The following ANK3 variants were observed in gnomAD, a reference collection of about 807,000 sequenced individuals.
ANK3 encodes ankyrin-3.
ANK3 carries 57 observed loss-of-function variants against 370.9 expected under a neutral mutation model. That is an observed-to-expected ratio of 0.15 (90% confidence interval 0.12 to 0.19). ANK3 has a LOEUF of 0.19. ANK3 is among the 10% of genes least tolerant of loss of function. ANK3 has a pLI of 1.00. For missense variants in ANK3, 4,439 were observed against 5,302.1 expected, an observed-to-expected ratio of 0.84 and a Z score of 5.06; for synonymous variants, 1,929 against 1,946.3, an observed-to-expected ratio of 0.99 and a Z score of 0.23.
chr10:60,397,622 T>A (rs893156823), intron 2 of ANK3, among the ~76,000 whole-genome samples: 3 of 152,208 alleles, frequency 2.0e-5, no homozygotes, highest in Non-Finnish European at 4.4e-5. Context: ...TTCCTACTTG[T>A]CCTTGAACTT....
chr10:60,457,958 T>C (rs979527495), intron 2 of ANK3, among the ~76,000 whole-genome samples: 6 of 152,062 alleles, frequency 3.9e-5, no homozygotes, highest in African/African-American at 1.4e-4. Context: ...TTCACAAATG[T>C]CTTGGGTTAG....
Position 60,069,206 on chromosome 10 carries a change from A to G in ANK3, c.11675T>C (p.Val3892Ala), listed in dbSNP as rs775097256. The G allele has an allele frequency of 1.9e-6, 3 of 1,613,982 alleles. No homozygotes were observed. The African/African-American group carries it at 4.0e-5, about 22-fold the overall frequency. The change falls in exon 37 of 44, where the codon GTT (valine) becomes GCT (alanine). Residue 3892 changes from valine (V) to alanine (A), a missense_variant. Val to Ala is a moderately conservative substitution (Grantham distance 64). Coordinates refer to ENST00000280772, the MANE Select transcript of ANK3 (RefSeq NM_020987.5). Reference sequence around the variant, plus strand: ...GGCTTTGGTTTTCTCGGATTGACTAACCTGCTTCATTTTACTTGCTTTAGT... The same window carrying G: ...GGCTTTGGTTTTCTCGGATTGACTAGCCTGCTTCATTTTACTTGCTTTAGT... Reference protein sequence around the residue: ...SNTKASKMKQVSQSEKTKALT... With the variant: ...SNTKASKMKQASQSEKTKALT...
chr10:60,635,865 A>T (rs1163195659), intron 1 of ANK3, among the ~76,000 whole-genome samples: 1 of 152,186 alleles, frequency 6.6e-6, no homozygotes, highest in South Asian at 2.1e-4. Flanking sequence ...GTAGAAATAG[A>T]CAAAGGCCAG....
At chr10:60,526,055 T>C (rs2076463155) in intron 2 of ANK3, among the ~76,000 whole-genome samples, 1 of 152,116 alleles carries the variant, frequency 6.6e-6, no homozygotes, top group South Asian at 2.1e-4. Context: ...ACATGGAACT[T>C]GTCAGAAACT....
chr10:60,067,119 C>A (rs989860985), intron 38 of ANK3, among the ~76,000 whole-genome samples: 6 of 152,108 alleles, frequency 3.9e-5, no homozygotes, highest in Non-Finnish European at 8.8e-5. Flanking sequence ...AGGGTTTCAC[C>A]ATGTTGGGTA....
intron 21 of ANK3, among the ~76,000 whole-genome samples, chr10:60,167,768 A>AC (rs2095661946): frequency 6.6e-6 from 1 of 152,166 alleles, no homozygotes; most frequent in Non-Finnish European, 1.5e-5. Context: ...GGTTGTTAAA[A>AC]CTAAAAAAAG....
intron 2 of ANK3, among the ~76,000 whole-genome samples, chr10:60,462,013 T>C (rs1052255351): frequency 6.6e-6 from 1 of 152,112 alleles, no homozygotes; most frequent in African/African-American, 2.4e-5. Flanking sequence ...GGTTTACGGA[T>C]GGGCAATTTG....
intron 43 of ANK3, among the ~76,000 whole-genome samples, chr10:60,033,536 A>AAAACAAAAAAC (rs1554812948): frequency 1.0e-5 from 1 of 98,394 alleles, no homozygotes. Context: ...AAAAAAAAAA[A>AAAACAAAAAAC]AAACTTGGAA....
At chr10:60,185,184 C>T (rs2096292168) in intron 17 of ANK3, among the ~76,000 whole-genome samples, 1 of 151,906 alleles carries the variant, frequency 6.6e-6, no homozygotes, top group Non-Finnish European at 1.5e-5. Context: ...CTGTAATGAC[C>T]AAAAAAGATT....
chr10:60,221,472 G>T (rs1015944656), intron 8 of ANK3, among the ~76,000 whole-genome samples: 1 of 152,110 alleles, frequency 6.6e-6, no homozygotes, highest in Non-Finnish European at 1.5e-5. Context: ...GAACCTCTGG[G>T]TACCTAACTC....
chr10:60,201,748 G>A (rs1036911844), intron 12 of ANK3, among the ~76,000 whole-genome samples: 2 of 131,090 alleles, frequency 1.5e-5, no homozygotes, highest in African/African-American at 5.8e-5. Flanking sequence ...GTCTCACTCT[G>A]TTGCCCAGTC....
At position 60,357,181 on chromosome 10, in the gene ANK3, C is replaced by T. The variant is rs117602789; in HGVS notation, c.114+32244G>A. 2.4e-3 allele frequency among the ~76,000 whole-genome samples: 365 copies of T among 152,338 alleles called. 2 individuals are homozygous for T. Among genetic ancestry groups the T allele is most frequent in the Middle Eastern group, 0.024 (7 of 294 alleles). Reference sequence around the variant, plus strand: ...ATGTTTCTGAGGCTCTGGCCTCTTACATCCTTGACCTCCTTCACTCCAAGG... The same window carrying T: ...ATGTTTCTGAGGCTCTGGCCTCTTATATCCTTGACCTCCTTCACTCCAAGG... On this transcript the variant is annotated intron_variant, in intron 1 of 43. Coordinates refer to ENST00000280772, the MANE Select transcript of ANK3 (RefSeq NM_020987.5).
chr10:60,582,763 G>A (rs965371332), intron 2 of ANK3, among the ~76,000 whole-genome samples: 1 of 151,914 alleles, frequency 6.6e-6, no homozygotes, highest in African/African-American at 2.4e-5. Flanking sequence ...CATTCCGTAG[G>A]TTGTCTTTTT....
At chr10:60,130,455 A>C (rs1055732445) in intron 25 of ANK3, among the ~76,000 whole-genome samples, 2 of 152,194 alleles carry the variant, frequency 1.3e-5, no homozygotes, top group Non-Finnish European at 2.9e-5. Flanking sequence ...TTTACTTGTC[A>C]GGGCAAATTT....
chr10:60,068,088 AT>A, intron 37 of ANK3, 79 bp from the exon 38 acceptor site: 1 of 1,307,456 alleles, frequency 7.6e-7, no homozygotes, highest in Non-Finnish European at 1.1e-6. Context: ...CAGTACGCAG[AT>A]TTTACAGAGA....
At chr10:60,086,616 A>C in intron 30 of ANK3, 61 bp downstream of exon 30, 1 of 1,421,936 alleles carries the variant, frequency 7.0e-7, no homozygotes, top group Non-Finnish European at 9.7e-7. Context: ...TTGTACACAA[A>C]TATATCTTTG....
intron 1 of ANK3, among the ~76,000 whole-genome samples, chr10:60,346,301 TAA>T (rs34457459): frequency 1.3e-5 from 2 of 151,144 alleles, no homozygotes; most frequent in Non-Finnish European, 3.0e-5. Context: ...CAAAAAAGGT[TAA>T]AAAAAAAGAA....
At chr10:60,232,971 C>T (rs1482324502) in intron 8 of ANK3, among the ~76,000 whole-genome samples, 1 of 152,204 alleles carries the variant, frequency 6.6e-6, no homozygotes, top group Non-Finnish European at 1.5e-5. Context: ...AAGAAGGAAG[C>T]ACAGGATTGC....
intron 2 of ANK3, among the ~76,000 whole-genome samples, chr10:60,488,067 G>A (rs531001846): frequency 6.6e-6 from 1 of 152,194 alleles, no homozygotes; most frequent in African/African-American, 2.4e-5. Context: ...AAGTCAGGTT[G>A]AGTGCTTTTT....
Sources: gnomAD v4.1 joint callset for allele counts (sites outside exome capture counted in the v4.1 genomes callset) on GRCh38, gnomAD v4.1.1 for gene constraint, MANE v1.5 for transcripts, NCBI Gene and HGNC (gene_info 2026-07-23, HGNC 2026-07-21) for gene names.